Variants in NELL1 observed in about 807,000 individuals in gnomAD.
NELL1 encodes protein kinase C-binding protein NELL1.
In NELL1, 76 loss-of-function variants were observed where a neutral mutation model predicts 107.4. That is an observed-to-expected ratio of 0.71 (90% CI 0.59 to 0.86). The LOEUF is 0.86. Among genes scored for constraint, NELL1 ranks in the 40% least tolerant of loss-of-function variants. The probability of loss-of-function intolerance (pLI) is 0.00; values close to 1 mark genes in which losing one functional copy is unlikely to be tolerated. For missense variants in NELL1, 1,024 were observed against 1,005.5 expected, an observed-to-expected ratio of 1.02 and a Z score of -0.25; for synonymous variants, 353 against 341.2, an observed-to-expected ratio of 1.03 and a Z score of -0.38.
At chr11:21,087,861 T>G (rs1026729988) in intron 12 of NELL1, among the ~76,000 whole-genome samples, 1 of 152,236 alleles carries the variant, frequency 6.6e-6, no homozygotes, top group Non-Finnish European at 1.5e-5. Flanking sequence ...TATGGCTATT[T>G]TTATGCTACA....
intron 12 of NELL1, among the ~76,000 whole-genome samples, chr11:21,054,849 C>T (rs1404190197): frequency 1.3e-5 from 2 of 151,926 alleles, no homozygotes; most frequent in African/African-American, 4.8e-5. Flanking sequence ...TAATTTGCCT[C>T]TTAATTTTCT....
intron 15 of NELL1, among the ~76,000 whole-genome samples, chr11:21,372,094 T>C (rs1851369357): frequency 6.6e-6 from 1 of 151,888 alleles, no homozygotes; most frequent in Non-Finnish European, 1.5e-5. Context: ...AATAAAAATA[T>C]AACAAATAAT....
intron 2 of NELL1, among the ~76,000 whole-genome samples, chr11:20,690,379 A>AT (rs1854430928): frequency 6.6e-6 from 1 of 152,196 alleles, no homozygotes; most frequent in African/African-American, 2.4e-5. Flanking sequence ...CTGAATGGTG[A>AT]TGCCTGGGTT....
Position 21,088,179 on chromosome 11 carries a change from A to G in NELL1, c.1301-25410A>G, listed in dbSNP as rs2133683826. On this transcript the variant is annotated intron_variant, in intron 12 of 19. Coordinates refer to ENST00000357134, the MANE Select transcript of NELL1 (RefSeq NM_006157.5). ...TTTATGTACCTGGCCATAGGAGTTT[A>G]TAGATGACCACGACCATACCCTCCG... is the stretch of plus-strand genomic sequence containing the variant. Among the ~76,000 whole-genome samples, 3 of 152,078 alleles carry G rather than the reference A, an allele frequency of 2.0e-5. No individual in the cohort carries two copies. The South Asian group carries it at 6.2e-4, about 32-fold the overall frequency.
chr11:21,519,949 T>A (rs540446333), intron 15 of NELL1, among the ~76,000 whole-genome samples: 1 of 152,300 alleles, frequency 6.6e-6, no homozygotes, highest in South Asian at 2.1e-4. Context: ...GACACCTTTT[T>A]AATTTACCTT....
chr11:21,299,290 A>C (rs530931170), intron 14 of NELL1, among the ~76,000 whole-genome samples: 18 of 152,014 alleles, frequency 1.2e-4, no homozygotes, highest in African/African-American at 4.1e-4. Flanking sequence ...TGGATCAATT[A>C]GATCACTTGA....
At chr11:21,042,284 T>C (rs1177162504) in intron 12 of NELL1, among the ~76,000 whole-genome samples, 1 of 152,166 alleles carries the variant, frequency 6.6e-6, no homozygotes, top group Non-Finnish European at 1.5e-5. Context: ...AATATATTGT[T>C]GTATGGGATT....
chr11:21,380,825 C>T (rs752425466), intron 15 of NELL1, among the ~76,000 whole-genome samples: 3 of 151,942 alleles, frequency 2.0e-5, no homozygotes, highest in Non-Finnish European at 1.5e-5. Context: ...AGAATTTGGA[C>T]GAGAAAATAA....
At chr11:20,895,945 C>CT (rs1487376890) in intron 5 of NELL1, among the ~76,000 whole-genome samples, 3 of 151,910 alleles carry the variant, frequency 2.0e-5, no homozygotes, top group Middle Eastern at 3.4e-3. Flanking sequence ...GCCACATTTT[C>CT]TTTTTTTTAA....
At chr11:20,675,330 G>A (rs1478292299) in intron 1 of NELL1, among the ~76,000 whole-genome samples, 1 of 152,180 alleles carries the variant, frequency 6.6e-6, no homozygotes, top group East Asian at 1.9e-4. Context: ...TAAGGCCAAT[G>A]TTCAGTCAAC....
At chr11:21,274,000 A>G (rs1848798695) in intron 14 of NELL1, among the ~76,000 whole-genome samples, 1 of 152,212 alleles carries the variant, frequency 6.6e-6, no homozygotes, top group Non-Finnish European at 1.5e-5. Flanking sequence ...TCAACTAACG[A>G]GCAAAATAAC....
chr11:20,847,687 G>A lies in NELL1; in HGVS notation c.440G>A (p.Gly147Glu), dbSNP rs2134057416. The change falls in exon 4 of 20, where the codon GGA becomes GAA. Residue 147 changes from glycine (G) to glutamate (E), a missense_variant. By Grantham distance (98) the Gly-to-Glu change is moderately conservative (BLOSUM62 -2). Coordinates refer to ENST00000357134, the MANE Select transcript of NELL1 (RefSeq NM_006157.5). ...TEALPYRMADGQWHKVALSVS... is the reference protein window; with the variant it reads ...TEALPYRMADEQWHKVALSVS... Reference sequence around the variant, plus strand: ...GCACTTCCTTACCGCATGGCAGATGGACAATGGCACAAGGTTGCACTGTCA... The same window carrying A: ...GCACTTCCTTACCGCATGGCAGATGAACAATGGCACAAGGTTGCACTGTCA... The A allele has an allele frequency of 6.2e-7, 1 of 1,613,758 alleles. No homozygotes were observed. Among genetic ancestry groups the A allele is most frequent in the Non-Finnish European group, 8.5e-7 (1 of 1,179,828 alleles).
intron 14 of NELL1, among the ~76,000 whole-genome samples, chr11:21,256,246 A>G (rs930474475): frequency 6.6e-6 from 1 of 152,068 alleles, no homozygotes; most frequent in African/African-American, 2.4e-5. Context: ...AGCAATCTTT[A>G]TATAATGTAT....
At chr11:20,998,008 AAAATT>A (rs1852128960) in intron 12 of NELL1, among the ~76,000 whole-genome samples, 1 of 152,172 alleles carries the variant, frequency 6.6e-6, no homozygotes, top group Admixed American at 6.5e-5. Flanking sequence ...ATAAAAATAA[AAAATT>A]AAATTCTTTG....
intron 15 of NELL1, among the ~76,000 whole-genome samples, chr11:21,491,702 A>C (rs1030534650): frequency 2.0e-5 from 3 of 151,982 alleles, no homozygotes; most frequent in Non-Finnish European, 4.4e-5. Flanking sequence ...GTTCCATATG[A>C]ACTTTAAAGT....
At chr11:21,367,301 C>CAA (rs1457627361) in intron 14 of NELL1, among the ~76,000 whole-genome samples, 1 of 129,354 alleles carries the variant, frequency 7.7e-6, no homozygotes, top group African/African-American at 2.9e-5. Context: ...CACACACACA[C>CAA]AATCTATTTT....
At chr11:20,708,579 T>C (rs1481966309) in intron 2 of NELL1, among the ~76,000 whole-genome samples, 1 of 152,220 alleles carries the variant, frequency 6.6e-6, no homozygotes, top group Admixed American at 6.5e-5. Flanking sequence ...TATTTGCTTT[T>C]TTTCTTGCTG....
intron 14 of NELL1, among the ~76,000 whole-genome samples, chr11:21,274,445 C>G (rs1464926149): frequency 6.6e-6 from 1 of 152,090 alleles, no homozygotes; most frequent in Non-Finnish European, 1.5e-5. Context: ...CACACAATAA[C>G]AATGGGAGAC....
chr11:21,506,779 G>A (rs919100373), intron 15 of NELL1, among the ~76,000 whole-genome samples: 1 of 152,152 alleles, frequency 6.6e-6, no homozygotes, highest in African/African-American at 2.4e-5. Context: ...GCCTAGCATG[G>A]AGAAGATAGT....
Sources: gnomAD v4.1 joint callset for allele counts (sites outside exome capture counted in the v4.1 genomes callset) on GRCh38, gnomAD v4.1.1 for gene constraint, MANE v1.5 for transcripts, NCBI Gene and HGNC (gene_info 2026-07-23, HGNC 2026-07-21) for gene names.